Variants in PARD6B observed in about 807,000 individuals in gnomAD.
PARD6B encodes partitioning defective 6 homolog beta.
PARD6B carries 4 observed loss-of-function variants against 10.5 expected under a neutral mutation model. The observed-to-expected ratio is 0.38, with a 90% CI of 0.19 to 0.87. The LOEUF is 0.87. Among genes scored for constraint, PARD6B ranks in the 40% least tolerant of loss-of-function variants. The pLI is 0.41. For missense variants in PARD6B, 396 were observed against 470.6 expected, an observed-to-expected ratio of 0.84 and a Z score of 1.47; for synonymous variants, 169 against 170.4, an observed-to-expected ratio of 0.99 and a Z score of 0.07.
chr20:50,738,185 G>C, intron 2 of PARD6B, 106 bp downstream of exon 2: 1 of 722,390 alleles, frequency 1.4e-6, no homozygotes, highest in Non-Finnish European at 2.2e-6. Flanking sequence ...TAAACATTTT[G>C]TGTGAATCTT....
Position 50,750,398 on chromosome 20 carries a change from A to C in PARD6B, c.1029A>C (p.Ala343=), listed in dbSNP as rs770920190. 20 of 1,614,236 alleles carry C rather than the reference A, an allele frequency of 1.2e-5. No individual in the cohort carries two copies. The highest frequency in any genetic ancestry group is 1.7e-5 in the Non-Finnish European group (20 of 1,180,044). ...GFIPSNEVSL[A]AIASSSNTEF... ...TTCCCTCTAATGAAGTGAGCTTAGC[A>C]GCCATAGCAAGCAGCTCAAACACGG... Residue 343 remains alanine, a synonymous_variant, in exon 3 of 3, where the codon GCA becomes GCC. Transcript: ENST00000371610.
intron 2 of PARD6B, among the ~76,000 whole-genome samples, chr20:50,744,668 C>T (rs182457559): frequency 1.3e-5 from 2 of 151,854 alleles, no homozygotes; most frequent in East Asian, 3.9e-4. Flanking sequence ...GCTTTTCACC[C>T]TCTGTTCTAG....
At chr20:50,747,087 A>G (rs968763513) in intron 2 of PARD6B, among the ~76,000 whole-genome samples, 3 of 152,198 alleles carry the variant, frequency 2.0e-5, no homozygotes, top group African/African-American at 4.8e-5. Context: ...GTAACCTTAT[A>G]TATTTATCTG....
chr20:50,732,930 C>A (rs1174841865), intron 1 of PARD6B, among the ~76,000 whole-genome samples: 4 of 151,310 alleles, frequency 2.6e-5, no homozygotes, highest in Non-Finnish European at 4.4e-5. Flanking sequence ...AATGGAGCAT[C>A]ATAGATGGTA....
rs6096083 is a variant in PARD6B, at chr20:50,752,910, G to A, written c.*2422G>A. The A allele has an allele frequency of 0.62, 609,497 of 980,328 alleles. 190,965 individuals carry two copies. Among genetic ancestry groups the A allele is most frequent in the African/African-American group, 0.77 (43,958 of 57,132 alleles). 60.7% of individuals were successfully genotyped at this position (980,328 alleles called of 1,614,324 possible). A position where few individuals can be genotyped will look rare whatever the true frequency, so the allele number is the denominator to read the frequency against. ...TTCACCGAAGTTCTTCCATTTATAT[G>A]CTATTTTTAATGGCATTCCGGCTTT... On this transcript the variant is annotated 3_prime_UTR_variant, in exon 3 of 3. Coordinates refer to ENST00000371610, the MANE Select transcript of PARD6B (RefSeq NM_032521.3).
chr20:50,752,508 C>CT lies in PARD6B; in HGVS notation c.*2023dup. ...AACAAGCTAAGAGTAAGGCTGCTAA[C>CT]TTTAATTCCTTGCCTGATTTTATTG... On this transcript the variant is annotated 3_prime_UTR_variant, in exon 3 of 3. Coordinates refer to ENST00000371610, the MANE Select transcript of PARD6B (RefSeq NM_032521.3). The CT allele has an allele frequency of 1.0e-6, 1 of 984,914 alleles. No homozygotes were observed. The highest frequency in any genetic ancestry group is 1.1e-4 in the East Asian group (1 of 8,804). 61.0% of individuals were successfully genotyped at this position (984,914 alleles called of 1,614,324 possible). A position where few individuals can be genotyped will look rare whatever the true frequency, so the allele number is the denominator to read the frequency against.
At chr20:50,748,458 G>C (rs940063741) in intron 2 of PARD6B, among the ~76,000 whole-genome samples, 6 of 152,220 alleles carry the variant, frequency 3.9e-5, no homozygotes, top group Non-Finnish European at 7.3e-5. Context: ...CTCAGCCTCT[G>C]ATATTGGTAT....
At chr20:50,738,149 C>A in intron 2 of PARD6B, 70 bp downstream of exon 2, 1 of 1,110,830 alleles carries the variant, frequency 9.0e-7, no homozygotes, top group Non-Finnish European at 1.3e-6. Flanking sequence ...GAAAGGATAC[C>A]CAGACTTTGC....
chr20:50,746,243 G>C (rs922486995), intron 2 of PARD6B, among the ~76,000 whole-genome samples: 1 of 152,158 alleles, frequency 6.6e-6, no homozygotes, highest in Non-Finnish European at 1.5e-5. Context: ...AGAGTAAGAG[G>C]TTCAGAGGGA....
At chr20:50,739,095 C>G (rs2087515400) in intron 2 of PARD6B, among the ~76,000 whole-genome samples, 1 of 151,838 alleles carries the variant, frequency 6.6e-6, no homozygotes, top group Admixed American at 6.6e-5. Flanking sequence ...ATGAGAGCAT[C>G]AAGCCTGGTA....
chr20:50,745,770 G>C (rs959853860), intron 2 of PARD6B, among the ~76,000 whole-genome samples: 1 of 152,152 alleles, frequency 6.6e-6, no homozygotes, highest in Non-Finnish European at 1.5e-5. Flanking sequence ...CCCTTCCAAA[G>C]TGCTGGGATT....
chr20:50,744,632 A>ACTCC lies in PARD6B; in HGVS notation c.290-5006_290-5003dup, dbSNP rs371678670. ...CTGGCTGCCTCTGACTCAGCTCCTG[A>ACTCC]CTCCCTCCCTCCCTCCCTCCCTCCT... is the stretch of plus-strand genomic sequence containing the variant. On this transcript the variant is annotated intron_variant, in intron 2 of 2. Transcript: ENST00000371610. Among the ~76,000 whole-genome samples the ACTCC allele has an allele frequency of 1.8e-3, 253 of 143,736 alleles. 1 individual carries two copies. Among genetic ancestry groups the ACTCC allele is most frequent in the African/African-American group, 5.5e-3 (214 of 38,590 alleles). 94.3% of individuals were successfully genotyped at this position (143,736 alleles called of 152,430 possible).
chr20:50,732,121 CG>C (rs1484844045), intron 1 of PARD6B, among the ~76,000 whole-genome samples: 1 of 152,218 alleles, frequency 6.6e-6, no homozygotes, highest in Admixed American at 6.5e-5. Flanking sequence ...TGTTCACGGA[CG>C]GGAGTAGGGG....
chr20:50,749,837 T>G lies in PARD6B; in HGVS notation c.468T>G (p.Arg156=), dbSNP rs1438866564. The part of the protein sequence containing the change: ...IDVDILPETH[R]RVRLYKYGTE... Reference sequence around the variant, plus strand: ...TGGATATTCTCCCAGAAACGCATCGTAGGGTACGTCTTTACAAATACGGCA... The same window carrying G: ...TGGATATTCTCCCAGAAACGCATCGGAGGGTACGTCTTTACAAATACGGCA... Residue 156 remains arginine (R), a synonymous_variant, in exon 3 of 3, where the codon CGT becomes CGG. Transcript: ENST00000371610. 2 of 1,614,130 alleles carry G rather than the reference T, an allele frequency of 1.2e-6. No homozygotes were observed. Among genetic ancestry groups the G allele is most frequent in the South Asian group, 2.2e-5 (2 of 91,078 alleles).
chr20:50,747,586 A>G (rs531175401), intron 2 of PARD6B, among the ~76,000 whole-genome samples: 1 of 127,756 alleles, frequency 7.8e-6, no homozygotes, highest in East Asian at 2.6e-4. Context: ...TGTAAATTTC[A>G]CTTTTTAGTT....
intron 1 of PARD6B, among the ~76,000 whole-genome samples, chr20:50,733,441 C>CAA (rs747084047): frequency 4.0e-5 from 6 of 151,778 alleles, no homozygotes; most frequent in East Asian, 1.9e-4. Flanking sequence ...CAAAACAAAA[C>CAA]AAAAACAAAA....
Position 50,750,954 on chromosome 20 carries a change from ATTTTTTT to A in PARD6B, c.*492_*498del, listed in dbSNP as rs565068464. 6.8e-3 allele frequency: 2,649 copies of A among 387,430 alleles called. 23 individuals are homozygous for A. In the African/African-American group the frequency reaches 0.07, roughly 10 times the overall value. The allele number at this position is 387,430 out of a possible 1,614,324, so 24.0% of individuals were successfully genotyped here. On this transcript the variant is annotated 3_prime_UTR_variant, in exon 3 of 3. Transcript: ENST00000371610. ...CTCATGTTCCCAATATTTTATTTTGATTTTTTTTTTTTTTTTTTTTTTTTTTTTTTTT... is the reference window on the plus strand; with the variant it reads ...CTCATGTTCCCAATATTTTATTTTGATTTTTTTTTTTTTTTTTTTTTTTTT...
chr20:50,740,368 G>A (rs1162298128), intron 2 of PARD6B, among the ~76,000 whole-genome samples: 2 of 152,190 alleles, frequency 1.3e-5, no homozygotes, highest in East Asian at 3.8e-4. Flanking sequence ...TTCAAATATA[G>A]AGTGGGTTTT....
In PARD6B at chr20:50,752,785, A is replaced by C; in HGVS notation, c.*2297A>C. The C allele has an allele frequency of 1.0e-6, 1 of 977,062 alleles. No homozygotes were observed. The highest frequency in any genetic ancestry group is 1.2e-6 in the Non-Finnish European group (1 of 821,962). 60.5% of individuals were successfully genotyped at this position (977,062 alleles called of 1,614,324 possible). A position where few individuals can be genotyped will look rare whatever the true frequency, so the allele number is the denominator to read the frequency against. On this transcript the variant is annotated 3_prime_UTR_variant, in exon 3 of 3. Coordinates refer to ENST00000371610, the MANE Select transcript of PARD6B (RefSeq NM_032521.3). ...TGATTACGTGAAGATCACTTGACTC[A>C]GAATACTTCAATGTATTTTGTTCAC...
Sources: allele counts gnomAD v4.1 joint callset (sites outside exome capture counted in the v4.1 genomes callset), GRCh38; gene constraint gnomAD v4.1.1; transcripts MANE v1.5; gene names NCBI Gene and HGNC (gene_info 2026-07-23, HGNC 2026-07-21).